The following ADARB1 variants were observed in gnomAD, a reference collection of about 807,000 sequenced individuals.
ADARB1 encodes the protein double-stranded RNA-specific editase 1.
ADARB1 carries 10 observed loss-of-function variants against 52.4 expected under a neutral mutation model. The ratio of observed to expected loss-of-function variants is 0.19; its 90% CI spans 0.12 to 0.32. The LOEUF (loss-of-function observed/expected upper bound fraction) is 0.32, where lower values mean the gene tolerates loss of function less well. Ranked by LOEUF, ADARB1 falls within the 10% of genes least tolerant of loss-of-function variation. The pLI is 1.00. For synonymous variants in ADARB1, 349 were observed against 371.1 expected (o/e 0.94, Z 0.68); for missense variants, 643 against 922.3 (o/e 0.70, Z 3.92).
At chr21:45,081,037 C>T (rs1357805175) in intron 1 of ADARB1, among the ~76,000 whole-genome samples, 1 of 152,012 alleles carries the variant, frequency 6.6e-6, no homozygotes, top group African/African-American at 2.4e-5. Flanking sequence ...AGTAGTTCAG[C>T]CAATGCGATG....
rs6487 is a variant in ADARB1 at position 45,225,070 on chromosome 21, G to GTTGTT, written c.*2894_*2898dup. The GTTGTT allele has an allele frequency of 1.3e-3, 1,252 of 986,010 alleles. 9 individuals carry two copies. The African/African-American group carries it at 0.016, about 12-fold the overall frequency. 61.1% of individuals were successfully genotyped at this position (986,010 alleles called of 1,614,324 possible). On this transcript the variant is annotated 3_prime_UTR_variant, in exon 11 of 11. Transcript: ENST00000348831. ...ACAAGTAGGGGAAGAGAGGGCTTCT[G>GTTGTT]TTGTTTTGTTTTGTTTTGTTTTGTT...
intron 1 of ADARB1, among the ~76,000 whole-genome samples, chr21:45,109,341 CG>C (rs1292526660): frequency 6.6e-6 from 1 of 152,178 alleles, no homozygotes. Context: ...TGTGTGTGCA[CG>C]TGTGTGTCCC....
intron 1 of ADARB1, among the ~76,000 whole-genome samples, chr21:45,077,119 G>A (rs950638795): frequency 6.6e-6 from 1 of 152,172 alleles, no homozygotes; most frequent in Non-Finnish European, 1.5e-5. Context: ...ATTCTTACAC[G>A]TGGGTACAAG....
At chr21:45,198,494 AAATC>A (rs779573674) in intron 8 of ADARB1, among the ~76,000 whole-genome samples, 1 of 145,822 alleles carries the variant, frequency 6.9e-6, no homozygotes, top group Non-Finnish European at 1.5e-5. Context: ...CTATTAAATT[AAATC>A]ACACACACAC....
chr21:45,109,200 T>TGTGCGTATATGTGTGTGCAC (rs1569015430), intron 1 of ADARB1, among the ~76,000 whole-genome samples: 687 of 9,348 alleles, frequency 0.073, 5 homozygotes, highest in Non-Finnish European at 0.16. Flanking sequence ...TGTGTGCACG[T>TGTGCGTATATGTGTGTGCAC]GTGTTTGCGC....
At chr21:45,167,704 G>T (rs1168423692) in intron 2 of ADARB1, among the ~76,000 whole-genome samples, 1 of 152,060 alleles carries the variant, frequency 6.6e-6, no homozygotes, top group African/African-American at 2.4e-5. Flanking sequence ...CCGAGATAGC[G>T]CCACTGCACT....
chr21:45,166,879 CTT>C (rs11347593), intron 2 of ADARB1, among the ~76,000 whole-genome samples: 32 of 151,086 alleles, frequency 2.1e-4, no homozygotes, highest in African/African-American at 4.6e-4. Flanking sequence ...TCAAATAAGT[CTT>C]TTTTTTTTTA....
At position 45,171,596 on chromosome 21, in the gene ADARB1, T is replaced by C; in HGVS notation, c.-47-14T>C. ...CATAGGCACACTAAATGCTATTTTC[T>C]TACTGTCTTTCAGACAGAAACAGTC... On this transcript the variant is annotated splice_polypyrimidine_tract_variant and intron_variant, in intron 2 of 10. Transcript: ENST00000348831. The C allele has an allele frequency of 6.5e-7, 1 of 1,546,164 alleles. No individual in the cohort carries two copies. Among genetic ancestry groups the C allele is most frequent in the Non-Finnish European group, 8.9e-7 (1 of 1,119,726 alleles).
At chr21:45,170,855 T>C (rs1179472732) in intron 2 of ADARB1, among the ~76,000 whole-genome samples, 1 of 152,236 alleles carries the variant, frequency 6.6e-6, no homozygotes, top group Non-Finnish European at 1.5e-5. Context: ...CTTAAATTTG[T>C]TAGTAACTAG....
chr21:45,110,990 G>A (rs1385821328), intron 1 of ADARB1, among the ~76,000 whole-genome samples: 5 of 152,130 alleles, frequency 3.3e-5, no homozygotes, highest in Non-Finnish European at 5.9e-5. Flanking sequence ...GTGCTCCTTC[G>A]TCTCTCAGCT....
rs2087411351 is a variant in ADARB1 at position 45,109,249 on chromosome 21, GTGTGCGTATGTGTGTGCAC to G, written c.-219-19150_-219-19132del. 3.6e-5 allele frequency among the ~76,000 whole-genome samples: 4 copies of G among 112,578 alleles called. 1 individual carries two copies. 73.9% of individuals were successfully genotyped at this position (112,578 alleles called of 152,430 possible). On this transcript the variant is annotated intron_variant, in intron 1 of 10. Coordinates refer to ENST00000348831, the MANE Select transcript of ADARB1 (RefSeq NM_001112.4). Reference sequence around the variant, plus strand: ...CTTGTGTGTATATGTGTGTGCGCGCGTGTGCGTATGTGTGTGCACTGCGCGCGTGTGCGCGCTTGTGCAT... The same window carrying G: ...CTTGTGTGTATATGTGTGTGCGCGCGTGCGCGCGTGTGCGCGCTTGTGCAT...
chr21:45,212,646 C>G (rs555119895), intron 9 of ADARB1, among the ~76,000 whole-genome samples: 25 of 152,188 alleles, frequency 1.6e-4, no homozygotes, highest in African/African-American at 5.5e-4. Context: ...GCTCTGAGTT[C>G]TTGGCATGAG....
chr21:45,158,127 A>G (rs920286996), intron 2 of ADARB1, among the ~76,000 whole-genome samples: 4 of 152,092 alleles, frequency 2.6e-5, no homozygotes, highest in Admixed American at 2.0e-4. Context: ...ATAAAATACA[A>G]TTATGCAGGA....
intron 2 of ADARB1, among the ~76,000 whole-genome samples, chr21:45,161,775 T>G (rs1161366217): frequency 6.6e-6 from 1 of 152,122 alleles, no homozygotes; most frequent in Non-Finnish European, 1.5e-5. Flanking sequence ...GAACTTACGG[T>G]GCTTTTCCAG....
intron 1 of ADARB1, among the ~76,000 whole-genome samples, chr21:45,124,690 A>T (rs563098258): frequency 3.3e-5 from 5 of 149,588 alleles, no homozygotes; most frequent in African/African-American, 4.9e-5. Flanking sequence ...TAATTCTTTA[A>T]TGTTTGTAGT....
At position 45,157,091 on chromosome 21, in the gene ADARB1, A is replaced by G. The variant is rs942504930; in HGVS notation, c.-47-14519A>G. Among the ~76,000 whole-genome samples, 1 of 152,204 alleles carries G rather than the reference A, an allele frequency of 6.6e-6. No individual in the cohort carries two copies. The highest frequency in any genetic ancestry group is 2.4e-5 in the African/African-American group (1 of 41,446). On this transcript the variant is annotated intron_variant, in intron 2 of 10. Transcript: ENST00000348831. This position sits in a 1 kb window ranked among gnomAD's most constrained non-coding sequence, Gnocchi z 4.1. ...TGTAATGGCTATGTGTGTACCTTTC[A>G]CTGCATCTGTGCTGATGGGCCTCGC...
Position 45,225,946 on chromosome 21 carries a change from GC to G in ADARB1, c.*3751del, listed in dbSNP as rs1453920988. On this transcript the variant is annotated 3_prime_UTR_variant, in exon 11 of 11. Transcript: ENST00000348831. ...GCCCCGAGGCCAGTGGTTGCTCGGG[GC>G]CTTCCGTGTGAGTTCTAGTGTTCAC... 5.3e-6 allele frequency: 1 copy of G among 189,138 alleles called. No homozygotes were observed. Among genetic ancestry groups the G allele is most frequent in the Non-Finnish European group, 1.1e-5 (1 of 92,914 alleles). 11.7% of individuals were successfully genotyped at this position (189,138 alleles called of 1,614,324 possible).
chr21:45,077,778 A>C (rs944477670), intron 1 of ADARB1, among the ~76,000 whole-genome samples: 13 of 152,212 alleles, frequency 8.5e-5, no homozygotes, highest in Admixed American at 5.2e-4. Context: ...TTAAAAAAAA[A>C]CCCATATTAT....
rs1453323156 is a variant in ADARB1 at position 45,175,968 on chromosome 21, C to T, written c.267C>T (p.Ile89=). The T allele has an allele frequency of 5.6e-6, 9 of 1,612,692 alleles. No individual in the cohort carries two copies. Among genetic ancestry groups the T allele is most frequent in the South Asian group, 1.1e-5 (1 of 90,888 alleles). ...PKNALMQLNE[I]KPGLQYTLLS... is the part of the protein sequence containing the mutation. The stretch of plus-strand genomic sequence containing the variant: ...ACGCCCTGATGCAGCTGAATGAGAT[C>T]AAGCCTGGTTTGCAGTACACACTCC... Residue 89 remains isoleucine, a synonymous_variant, in exon 4 of 11, where the codon ATC becomes ATT. Transcript: ENST00000348831.
Sources: gnomAD v4.1 joint callset for allele counts (sites outside exome capture counted in the v4.1 genomes callset) on GRCh38, gnomAD v4.1.1 for gene constraint, Gnocchi (gnomAD v3.1) non-coding constraint, MANE v1.5 for transcripts, NCBI Gene and HGNC (gene_info 2026-07-23, HGNC 2026-07-21) for gene names.